Variants in KCNQ1OT1 observed in about 807,000 individuals in gnomAD.
The protein encoded by KCNQ1OT1 is KCNQ1 antisense RNA 2 (non-protein coding).
rs1849803676 is a variant in KCNQ1OT1, at chr11:2,654,345, T to C, written n.45650A>G. 1 of 398,432 alleles carries C rather than the reference T, an allele frequency of 2.5e-6. No homozygotes were observed. The highest frequency in any genetic ancestry group is 4.4e-6 in the Non-Finnish European group (1 of 226,150). The allele number at this position is 398,432 out of a possible 1,614,324, so 24.7% of individuals were successfully genotyped here. Reference sequence around the variant, plus strand: ...GGAGGGGGCTTCTACTTGCAAAGGATAGGGAGAGCTTCTGTTCATCCTTGT... The same window carrying C: ...GGAGGGGGCTTCTACTTGCAAAGGACAGGGAGAGCTTCTGTTCATCCTTGT... On this transcript the variant is annotated non_coding_transcript_exon_variant, in exon 1 of 1. Transcript: ENST00000597346. The surrounding 1 kb of genome is among the most constrained non-coding windows in gnomAD (Gnocchi z 6.4).
In KCNQ1OT1 at chr11:2,687,958, G is replaced by C. The variant is rs561638885; in HGVS notation, n.12037C>G. On this transcript the variant is annotated non_coding_transcript_exon_variant, in exon 1 of 1. Transcript: ENST00000597346. This position sits in a 1 kb window ranked among gnomAD's most constrained non-coding sequence, Gnocchi z 5.0. Reference sequence around the variant, plus strand: ...TCTCCCACCCGCTGTGGGTCAGCCAGGCCGCTGCTTCCTGCTTCCCTTTGA... The same window carrying C: ...TCTCCCACCCGCTGTGGGTCAGCCACGCCGCTGCTTCCTGCTTCCCTTTGA... 1 of 398,806 alleles carries C rather than the reference G, an allele frequency of 2.5e-6. No homozygotes were observed. The highest frequency in any genetic ancestry group is 1.3e-4 in the South Asian group (1 of 7,860). The allele number at this position is 398,806 out of a possible 1,614,324, so 24.7% of individuals were successfully genotyped here. A position where few individuals can be genotyped will look rare whatever the true frequency, so the allele number is the denominator to read the frequency against.
exon 1 of KCNQ1OT1, chr11:2,632,300 A>G (rs1849372191): frequency 5.0e-6 from 2 of 398,614 alleles, no homozygotes; most frequent in Non-Finnish European, 8.8e-6. Flanking sequence ...GATTTCTACA[A>G]ATATGATCAT....
rs1011076609 is a variant in KCNQ1OT1, at chr11:2,683,167, C to T, written n.16828G>A. 8 of 398,494 alleles carry T rather than the reference C, an allele frequency of 2.0e-5. No individual in the cohort carries two copies. The highest frequency in any genetic ancestry group is 4.1e-5 in the African/African-American group (2 of 48,612). The allele number at this position is 398,494 out of a possible 1,614,324, so 24.7% of individuals were successfully genotyped here. On this transcript the variant is annotated non_coding_transcript_exon_variant, in exon 1 of 1. Coordinates refer to ENST00000597346, the Ensembl canonical transcript of KCNQ1OT1. The surrounding 1 kb of genome is among the most constrained non-coding windows in gnomAD (Gnocchi z 4.7). ...GGCTAGCATTAGGAATGGGTATTAG[C>T]ATCTGCATTAAAAGGCTCCCACTGA...
Position 2,695,857 on chromosome 11 carries a change from ATC to A in KCNQ1OT1, n.4136_4137del. The A allele has an allele frequency of 2.5e-6, 1 of 398,562 alleles. No homozygotes were observed. The highest frequency in any genetic ancestry group is 3.6e-5 in the East Asian group (1 of 28,078). The allele number at this position is 398,562 out of a possible 1,614,324, so 24.7% of individuals were successfully genotyped here. A position where few individuals can be genotyped will look rare whatever the true frequency, so the allele number is the denominator to read the frequency against. ...AACTGATTAGCTTGGGCAAATTTTC[ATC>A]TGTTTGTTAACCCTCCTGCAAACTG... On this transcript the variant is annotated non_coding_transcript_exon_variant, in exon 1 of 1. Coordinates refer to ENST00000597346, the Ensembl canonical transcript of KCNQ1OT1. This position sits in a 1 kb window ranked among gnomAD's most constrained non-coding sequence, Gnocchi z 5.2.
chr11:2,637,489 C>T (rs545237799), exon 1 of KCNQ1OT1: 38 of 152,134 alleles, frequency 2.5e-4, no homozygotes, highest in Non-Finnish European at 2.4e-4. Context: ...TGTCGTTGAG[C>T]GGTTTTGAGT....
exon 1 of KCNQ1OT1, chr11:2,666,882 C>T: frequency 2.5e-6 from 1 of 398,630 alleles, no homozygotes; most frequent in Non-Finnish European, 4.4e-6. Context: ...ACAGATGAGA[C>T]CATTTTGTCT....
rs1376890642 is a variant in KCNQ1OT1, at chr11:2,661,067, C to G, written n.38928G>C. The G allele has an allele frequency of 4.0e-5, 16 of 398,228 alleles. No individual in the cohort carries two copies. In the Admixed American group the frequency reaches 5.3e-4, roughly 13 times the overall value. The allele number at this position is 398,228 out of a possible 1,614,324, so 24.7% of individuals were successfully genotyped here. ...TGTTACAGAGTGACAGGAACAGAGT[C>G]ACAGTGACATCCCATGTGCATAAAA... On this transcript the variant is annotated non_coding_transcript_exon_variant, in exon 1 of 1. Transcript: ENST00000597346. The surrounding 1 kb of genome is among the most constrained non-coding windows in gnomAD (Gnocchi z 5.9).
Position 2,652,857 on chromosome 11 carries a change from T to A in KCNQ1OT1, n.47138A>T. On this transcript the variant is annotated non_coding_transcript_exon_variant, in exon 1 of 1. Coordinates refer to ENST00000597346, the Ensembl canonical transcript of KCNQ1OT1. This position sits in a 1 kb window ranked among gnomAD's most constrained non-coding sequence, Gnocchi z 5.9. ...GATTTGTGTATGCTGAGGCTTGCTA[T>A]ACTTATTCTAAGGAGAAGTGTTTGG... 2.5e-6 allele frequency: 1 copy of A among 398,750 alleles called. No individual in the cohort carries two copies. 24.7% of individuals were successfully genotyped at this position (398,750 alleles called of 1,614,324 possible). A position where few individuals can be genotyped will look rare whatever the true frequency, so the allele number is the denominator to read the frequency against.
exon 1 of KCNQ1OT1, chr11:2,650,703 G>GT (rs1357792106): frequency 2.5e-6 from 1 of 398,644 alleles, no homozygotes; most frequent in Non-Finnish European, 4.4e-6. Context: ...CAGTTTTGCA[G>GT]TGCTGGGCAG....
chr11:2,657,225 T>C lies in KCNQ1OT1; in HGVS notation n.42770A>G. ...GGCTTTTTGCACTTCCAAGTCGCAG[T>C]TAGAATCAGCTTGCCAAAGTTCTCA... is the stretch of plus-strand genomic sequence containing the variant. On this transcript the variant is annotated non_coding_transcript_exon_variant, in exon 1 of 1. Coordinates refer to ENST00000597346, the Ensembl canonical transcript of KCNQ1OT1. The surrounding 1 kb of genome is among the most constrained non-coding windows in gnomAD (Gnocchi z 4.8). 1 of 398,654 alleles carries C rather than the reference T, an allele frequency of 2.5e-6. No homozygotes were observed. The highest frequency in any genetic ancestry group is 4.4e-6 in the Non-Finnish European group (1 of 226,062). 24.7% of individuals were successfully genotyped at this position (398,654 alleles called of 1,614,324 possible). A position where few individuals can be genotyped will look rare whatever the true frequency, so the allele number is the denominator to read the frequency against.
exon 1 of KCNQ1OT1, chr11:2,685,954 C>A: frequency 2.5e-6 from 1 of 398,786 alleles, no homozygotes; most frequent in Non-Finnish European, 4.4e-6. Context: ...CCTGCTGGGT[C>A]ACACGGATGA....
In KCNQ1OT1 at chr11:2,617,424, A is replaced by G; in HGVS notation, n.82571T>C. ...AGGATCTCCTTTTTTAATGCGGAAT[A>G]ATATTCCATTGTAGACATACACACC... On this transcript the variant is annotated non_coding_transcript_exon_variant, in exon 1 of 1. Transcript: ENST00000597346. The surrounding 1 kb of genome is among the most constrained non-coding windows in gnomAD (Gnocchi z 4.6). 1 of 398,472 alleles carries G rather than the reference A, an allele frequency of 2.5e-6. No homozygotes were observed. The highest frequency in any genetic ancestry group is 4.4e-6 in the Non-Finnish European group (1 of 225,960). 24.7% of individuals were successfully genotyped at this position (398,472 alleles called of 1,614,324 possible).
exon 1 of KCNQ1OT1, chr11:2,622,916 A>G (rs1849198957): frequency 2.5e-6 from 1 of 398,502 alleles, no homozygotes; most frequent in African/African-American, 2.1e-5. Context: ...ATTAGGGCTC[A>G]CTGTTGGGGT....
chr11:2,673,016 C>T lies in KCNQ1OT1; in HGVS notation n.26979G>A. ...GAGAAGCCAGTGAATCAATGTGTTA[C>T]TTGAACAAATATAGGGTCTAGGGCT... is the stretch of plus-strand genomic sequence containing the variant. On this transcript the variant is annotated non_coding_transcript_exon_variant, in exon 1 of 1. Transcript: ENST00000597346. This position sits in a 1 kb window ranked among gnomAD's most constrained non-coding sequence, Gnocchi z 4.5. 2 of 398,716 alleles carry T rather than the reference C, an allele frequency of 5.0e-6. No homozygotes were observed. Among genetic ancestry groups the T allele is most frequent in the East Asian group, 7.1e-5 (2 of 28,084 alleles). The allele number at this position is 398,716 out of a possible 1,614,324, so 24.7% of individuals were successfully genotyped here. A position where few individuals can be genotyped will look rare whatever the true frequency, so the allele number is the denominator to read the frequency against.
chr11:2,675,309 A>G (rs565971816), exon 1 of KCNQ1OT1: 2 of 398,650 alleles, frequency 5.0e-6, no homozygotes, highest in East Asian at 7.1e-5. Context: ...AATATAAAAC[A>G]TGAAAGTGGG....
exon 1 of KCNQ1OT1, chr11:2,684,198 C>G: frequency 2.5e-6 from 1 of 398,658 alleles, no homozygotes; most frequent in Non-Finnish European, 4.4e-6. Context: ...TGGTCAGACT[C>G]TGCCAGGAGA....
At position 2,611,261 on chromosome 11, in the gene KCNQ1OT1, C is replaced by G; in HGVS notation, n.88734G>C. The stretch of plus-strand genomic sequence containing the variant: ...TTGGGATGGAGTCTCACTCTGTTGC[C>G]CAGGCTGGAGTGCAGTGGCGTGACC... On this transcript the variant is annotated non_coding_transcript_exon_variant, in exon 1 of 1. Transcript: ENST00000597346. This position sits in a 1 kb window ranked among gnomAD's most constrained non-coding sequence, Gnocchi z 5.3. 1 of 397,468 alleles carries G rather than the reference C, an allele frequency of 2.5e-6. No individual in the cohort carries two copies. The allele number at this position is 397,468 out of a possible 1,614,324, so 24.6% of individuals were successfully genotyped here. A position where few individuals can be genotyped will look rare whatever the true frequency, so the allele number is the denominator to read the frequency against.
At position 2,621,568 on chromosome 11, in the gene KCNQ1OT1, C is replaced by T; in HGVS notation, n.78427G>A. 2.5e-6 allele frequency: 1 copy of T among 398,416 alleles called. No individual in the cohort carries two copies. The highest frequency in any genetic ancestry group is 4.4e-6 in the Non-Finnish European group (1 of 226,008). 24.7% of individuals were successfully genotyped at this position (398,416 alleles called of 1,614,324 possible). On this transcript the variant is annotated non_coding_transcript_exon_variant, in exon 1 of 1. Coordinates refer to ENST00000597346, the Ensembl canonical transcript of KCNQ1OT1. The surrounding 1 kb of genome is among the most constrained non-coding windows in gnomAD (Gnocchi z 5.7). ...TTAGTTTACCACTGTGATCTCTTTG[C>T]TATTGGTCTGTTCAGGCTTTCTATT...
rs114140159 is a variant in KCNQ1OT1 at position 2,629,788 on chromosome 11, T to C, written n.70207A>G. On this transcript the variant is annotated non_coding_transcript_exon_variant, in exon 1 of 1. Coordinates refer to ENST00000597346, the Ensembl canonical transcript of KCNQ1OT1. The stretch of plus-strand genomic sequence containing the variant: ...ATGCTGATTTTGTATCCTGCCACTT[T>C]ACTGAGTTAGATTATTACTTCTAAC... The C allele has an allele frequency of 2.5e-3, 977 of 398,532 alleles. 4 individuals carry two copies. Among genetic ancestry groups the C allele is most frequent in the African/African-American group, 0.018 (873 of 48,754 alleles). The allele number at this position is 398,532 out of a possible 1,614,324, so 24.7% of individuals were successfully genotyped here. A position where few individuals can be genotyped will look rare whatever the true frequency, so the allele number is the denominator to read the frequency against.
Sources: allele counts gnomAD v4.1 joint callset, GRCh38; gene constraint gnomAD v4.1.1; non-coding constraint Gnocchi (gnomAD v3.1); transcripts MANE v1.5; gene names NCBI Gene and HGNC (gene_info 2026-07-23, HGNC 2026-07-21).